AJAP1: variants seen among roughly 807,000 people sequenced by gnomAD.
AJAP1 encodes adherens junction-associated protein 1.
Under a neutral mutation model 35.0 loss-of-function variants are expected in AJAP1, and 5 were observed. That is an observed-to-expected ratio of 0.14 (90% confidence interval 0.07 to 0.30). The LOEUF (loss-of-function observed/expected upper bound fraction) is 0.30. AJAP1 is among the 10% of genes least tolerant of loss of function. AJAP1 has a pLI of 1.00. For missense variants in AJAP1, 586 were observed against 571.0 expected (o/e 1.03, Z -0.27); for synonymous variants, 284 against 249.3 (o/e 1.14, Z -1.31).
intron 1 of AJAP1, among the ~76,000 whole-genome samples, chr1:4,676,442 C>T (rs1285405946): frequency 6.6e-6 from 1 of 152,146 alleles, no homozygotes; most frequent in Non-Finnish European, 1.5e-5. Flanking sequence ...CTTGGTTAGA[C>T]TCTGACCCTA....
chr1:4,687,737 C>T lies in AJAP1; in HGVS notation c.30-24163C>T, dbSNP rs375153005. Among the ~76,000 whole-genome samples, 11 of 152,274 alleles carry T rather than the reference C, an allele frequency of 7.2e-5. 1 individual carries two copies. Among genetic ancestry groups the T allele is most frequent in the African/African-American group, 2.6e-4 (11 of 41,562 alleles). ...AGAGCTCCGTGCTAAGGGAGTCAGC[C>T]CAGGCAGAACGCCCAGCCCAGGGAG... On this transcript the variant is annotated intron_variant, in intron 1 of 5. Transcript: ENST00000378191.
intron 1 of AJAP1, among the ~76,000 whole-genome samples, chr1:4,682,271 G>A (rs941889705): frequency 2.6e-5 from 4 of 152,210 alleles, no homozygotes; most frequent in Admixed American, 6.5e-5. Context: ...GATCAGTGCT[G>A]TTGTAGTTGC....
Position 4,705,395 on chromosome 1 carries a change from CTTTTTTTTTTTT to C in AJAP1, c.30-6482_30-6471del, listed in dbSNP as rs58022692. Among the ~76,000 whole-genome samples the C allele has an allele frequency of 3.8e-4, 9 of 23,802 alleles. No individual in the cohort carries two copies. In the East Asian group the frequency reaches 0.014, roughly 36 times the overall value. 15.6% of individuals were successfully genotyped at this position (23,802 alleles called of 152,430 possible). A position where few individuals can be genotyped will look rare whatever the true frequency, so the allele number is the denominator to read the frequency against. On this transcript the variant is annotated intron_variant, in intron 1 of 5. Transcript: ENST00000378191. ...AGCCAAATGGGGAAGTTTTGAAGAG[CTTTTTTTTTTTT>C]TTTTTTTTTTTTTTTTTTTTTTAAT...
chr1:4,751,625 C>T (rs927738541), intron 2 of AJAP1, among the ~76,000 whole-genome samples: 8 of 152,238 alleles, frequency 5.3e-5, no homozygotes, highest in South Asian at 2.1e-4. Flanking sequence ...CTCCTGGCTG[C>T]GCACATTCTG....
At chr1:4,716,989 G>A (rs958004325) in intron 2 of AJAP1, among the ~76,000 whole-genome samples, 41 of 152,286 alleles carry the variant, frequency 2.7e-4, no homozygotes, top group African/African-American at 9.1e-4. Context: ...CCAGCCTCAC[G>A]TGAGCACTGG....
intron 2 of AJAP1, among the ~76,000 whole-genome samples, chr1:4,719,200 T>C (rs1287605056): frequency 6.6e-6 from 1 of 152,354 alleles, no homozygotes; most frequent in South Asian, 2.1e-4. Flanking sequence ...TTTTAGAATG[T>C]CTGGCTTCTT....
At chr1:4,661,422 G>A (rs1307129050) in intron 1 of AJAP1, among the ~76,000 whole-genome samples, 1 of 152,182 alleles carries the variant, frequency 6.6e-6, no homozygotes, top group Non-Finnish European at 1.5e-5. Context: ...AGGTATTATT[G>A]CTCCCATTTC....
At position 4,788,511 on chromosome 1, in the gene AJAP1, CTT is replaced by C. The variant is rs1158089005; in HGVS notation, c.*6027_*6028del. On this transcript the variant is annotated 3_prime_UTR_variant, in exon 6 of 6. Coordinates refer to ENST00000378191, the MANE Select transcript of AJAP1 (RefSeq NM_018836.4). ...GACCAAGCCATCCCTAGCTAGGAAACTTAACTCTTTGCACAACCTCCCTTTAT... is the reference window on the plus strand; with the variant it reads ...GACCAAGCCATCCCTAGCTAGGAAACAACTCTTTGCACAACCTCCCTTTAT... The C allele has an allele frequency of 6.6e-6, 1 of 152,210 alleles. No homozygotes were observed. Among genetic ancestry groups the C allele is most frequent in the Non-Finnish European group, 1.5e-5 (1 of 68,076 alleles). The allele number at this position is 152,210 out of a possible 1,614,324, so 9.4% of individuals were successfully genotyped here. A position where few individuals can be genotyped will look rare whatever the true frequency, so the allele number is the denominator to read the frequency against.
intron 2 of AJAP1, among the ~76,000 whole-genome samples, chr1:4,762,614 CT>C (rs1249815548): frequency 6.6e-6 from 1 of 152,232 alleles, no homozygotes; most frequent in East Asian, 1.9e-4. Flanking sequence ...CTGGTCTCCC[CT>C]GGACTCTGTC....
At chr1:4,780,904 G>C (rs1246208288) in intron 5 of AJAP1, among the ~76,000 whole-genome samples, 4 of 152,086 alleles carry the variant, frequency 2.6e-5, no homozygotes, top group Non-Finnish European at 5.9e-5. Flanking sequence ...CACAGTAGCT[G>C]AGCGGACACT....
chr1:4,696,643 C>T (rs565307806), intron 1 of AJAP1, among the ~76,000 whole-genome samples: 21 of 152,366 alleles, frequency 1.4e-4, no homozygotes, highest in African/African-American at 4.8e-4. Context: ...GGGAACCTTG[C>T]AAGGACTTGG....
At chr1:4,775,149 T>A (rs1039844552) in intron 5 of AJAP1, among the ~76,000 whole-genome samples, 1 of 152,238 alleles carries the variant, frequency 6.6e-6, no homozygotes, top group Non-Finnish European at 1.5e-5. Context: ...CACGCTCTGC[T>A]GGATGGGAAC....
In AJAP1 at chr1:4,656,863, C is replaced by A. The variant is rs1638893958; in HGVS notation, c.29+1409C>A. On this transcript the variant is annotated intron_variant, in intron 1 of 5. Transcript: ENST00000378191. This position sits in a 1 kb window ranked among gnomAD's most constrained non-coding sequence, Gnocchi z 5.7. ...GGGCTAGATAAGGTTTAGGCTTGGA[C>A]CGTTGTGGGATGTTGGCAAAATGGA... 6.6e-6 allele frequency among the ~76,000 whole-genome samples: 1 copy of A among 152,100 alleles called. No individual in the cohort carries two copies. The highest frequency in any genetic ancestry group is 1.5e-5 in the Non-Finnish European group (1 of 68,020).
rs551953200 is a variant in AJAP1, at chr1:4,750,139, CAT to C, written c.830-19713_830-19712del. 4.6e-5 allele frequency among the ~76,000 whole-genome samples: 7 copies of C among 151,704 alleles called. No individual in the cohort carries two copies. The South Asian group carries it at 1.3e-3, about 27-fold the overall frequency. ...TTGGCTGTGCATGTGTGTCTGGGGA[CAT>C]GTGTGTGCATTTGTCCCTGGCCATG... is the stretch of plus-strand genomic sequence containing the variant. On this transcript the variant is annotated intron_variant, in intron 2 of 5. Transcript: ENST00000378191.
chr1:4,749,466 A>G lies in AJAP1; in HGVS notation c.830-20387A>G, dbSNP rs12096392. Among the ~76,000 whole-genome samples, 88 of 152,200 alleles carry G rather than the reference A, an allele frequency of 5.8e-4. 1 individual carries two copies. Among genetic ancestry groups the G allele is most frequent in the African/African-American group, 1.7e-3 (69 of 41,450 alleles). ...GGCCCCAGATCTGTGGGATCCTCGC[A>G]TGGATGCAGCTGCTGTCATGCGCTT... On this transcript the variant is annotated intron_variant, in intron 2 of 5. Coordinates refer to ENST00000378191, the MANE Select transcript of AJAP1 (RefSeq NM_018836.4).
At chr1:4,741,357 C>T (rs1641065637) in intron 2 of AJAP1, among the ~76,000 whole-genome samples, 1 of 152,114 alleles carries the variant, frequency 6.6e-6, no homozygotes, top group South Asian at 2.1e-4. Flanking sequence ...CAGGGGAGGA[C>T]CCTTCCCGGC....
At chr1:4,755,049 C>A (rs1362276371) in intron 2 of AJAP1, among the ~76,000 whole-genome samples, 2 of 152,174 alleles carry the variant, frequency 1.3e-5, no homozygotes, top group Non-Finnish European at 2.9e-5. Flanking sequence ...GGGATTCTCA[C>A]CATGTGCCCT....
Position 4,701,324 on chromosome 1 carries a change from T to C in AJAP1, c.30-10576T>C, listed in dbSNP as rs115713977. ...GTGTACAGGTGGGAAAACTGAAGCATAGGTTGGTTACACGGGTTAGTTTTG... is the reference window on the plus strand; with the variant it reads ...GTGTACAGGTGGGAAAACTGAAGCACAGGTTGGTTACACGGGTTAGTTTTG... On this transcript the variant is annotated intron_variant, in intron 1 of 5. Coordinates refer to ENST00000378191, the MANE Select transcript of AJAP1 (RefSeq NM_018836.4). 6.6e-4 allele frequency among the ~76,000 whole-genome samples: 101 copies of C among 152,216 alleles called. 1 individual carries two copies. Among genetic ancestry groups the C allele is most frequent in the African/African-American group, 2.3e-3 (95 of 41,554 alleles).
intron 1 of AJAP1, among the ~76,000 whole-genome samples, chr1:4,689,119 TG>T (rs1257847462): frequency 6.6e-6 from 1 of 152,078 alleles, no homozygotes; most frequent in Non-Finnish European, 1.5e-5. Flanking sequence ...CTTCAGTTCC[TG>T]AGGTCATGTA....
Sources: allele counts gnomAD v4.1 joint callset (sites outside exome capture counted in the v4.1 genomes callset), GRCh38; gene constraint gnomAD v4.1.1; non-coding constraint Gnocchi (gnomAD v3.1); transcripts MANE v1.5; gene names NCBI Gene and HGNC (gene_info 2026-07-23, HGNC 2026-07-21).